Variants in ROR1 observed in about 807,000 individuals in gnomAD.
The protein encoded by ROR1 is inactive tyrosine-protein kinase transmembrane receptor ROR1.
ROR1 carries 19 observed loss-of-function variants against 78.8 expected under a neutral mutation model. The observed-to-expected ratio is 0.24, with a 90% CI of 0.17 to 0.35. The LOEUF is 0.35. ROR1 is among the 10% of genes least tolerant of loss of function. ROR1 has a pLI of 1.00. For synonymous variants in ROR1, 386 were observed against 433.6 expected (o/e 0.89, Z 1.36); for missense variants, 917 against 1,177.8 (o/e 0.78, Z 3.24).
intron 4 of ROR1, among the ~76,000 whole-genome samples, chr1:64,055,050 T>C (rs1431781796): frequency 6.6e-6 from 1 of 152,204 alleles, no homozygotes; most frequent in African/African-American, 2.4e-5. Flanking sequence ...CGACCTCATT[T>C]TAACTTGATT....
chr1:63,801,886 A>G lies in ROR1; in HGVS notation c.91+27378A>G, dbSNP rs954824463. ...CTGTCTTCTTTCACAACCACACCTA[A>G]CCTGTAATACATTTTCTGTGGTATC... On this transcript the variant is annotated intron_variant, in intron 1 of 8. Coordinates refer to ENST00000371079, the MANE Select transcript of ROR1 (RefSeq NM_005012.4). Among the ~76,000 whole-genome samples the G allele has an allele frequency of 4.6e-5, 7 of 152,180 alleles. No individual in the cohort carries two copies. In the East Asian group the frequency reaches 1.2e-3, roughly 25 times the overall value.
intron 1 of ROR1, among the ~76,000 whole-genome samples, chr1:63,850,364 G>A (rs191317146): frequency 6.6e-6 from 1 of 152,322 alleles, no homozygotes; most frequent in East Asian, 1.9e-4. Context: ...GTAAAAATGT[G>A]TGAAGTTTTT....
intron 1 of ROR1, among the ~76,000 whole-genome samples, chr1:63,999,341 T>C (rs1646365020): frequency 6.6e-6 from 1 of 152,180 alleles, no homozygotes; most frequent in South Asian, 2.1e-4. Context: ...AGCTCACTGT[T>C]TAGTTGTGGT....
intron 1 of ROR1, among the ~76,000 whole-genome samples, chr1:63,866,235 A>C (rs1645214720): frequency 6.6e-6 from 1 of 151,904 alleles, no homozygotes; most frequent in Non-Finnish European, 1.5e-5. Flanking sequence ...TCTGGCCTGG[A>C]TGTCTAAGTA....
intron 1 of ROR1, among the ~76,000 whole-genome samples, chr1:63,845,869 T>G (rs1645077235): frequency 6.6e-6 from 1 of 152,182 alleles, no homozygotes; most frequent in Non-Finnish European, 1.5e-5. Flanking sequence ...TTATTTGGTG[T>G]AGAGATTTAG....
At chr1:64,147,757 A>G (rs1437249133) in intron 7 of ROR1, among the ~76,000 whole-genome samples, 1 of 152,208 alleles carries the variant, frequency 6.6e-6, no homozygotes, top group African/African-American at 2.4e-5. Context: ...AGGCTTACCT[A>G]AGATCACAAA....
intron 1 of ROR1, among the ~76,000 whole-genome samples, chr1:63,802,537 G>A (rs1644803471): frequency 6.6e-6 from 1 of 152,222 alleles, no homozygotes; most frequent in Non-Finnish European, 1.5e-5. Context: ...TGAATTGTGT[G>A]ACTATGAATA....
At chr1:63,789,056 A>G (rs900364726) in intron 1 of ROR1, 19 of 624,594 alleles carry the variant, frequency 3.0e-5, no homozygotes, top group Non-Finnish European at 5.6e-5. Flanking sequence ...CATTGGTTGT[A>G]CCCTTTCGCT....
At chr1:64,023,504 C>G (rs1275373329) in intron 2 of ROR1, among the ~76,000 whole-genome samples, 2 of 152,036 alleles carry the variant, frequency 1.3e-5, no homozygotes, top group Non-Finnish European at 2.9e-5. Flanking sequence ...GTTTATTGCC[C>G]TTATCCTTAA....
At chr1:64,000,080 G>C (rs1298342882) in intron 1 of ROR1, among the ~76,000 whole-genome samples, 1 of 152,090 alleles carries the variant, frequency 6.6e-6, no homozygotes, top group Non-Finnish European at 1.5e-5. Flanking sequence ...GCCATACAAA[G>C]GGGAAAATGA....
At chr1:64,118,521 G>A (rs779366200) in intron 4 of ROR1, among the ~76,000 whole-genome samples, 10 of 151,384 alleles carry the variant, frequency 6.6e-5, no homozygotes, top group Non-Finnish European at 1.2e-4. Context: ...CAGCTACTCC[G>A]GAGGCTGAGT....
intron 1 of ROR1, among the ~76,000 whole-genome samples, chr1:63,972,331 A>G (rs1272894919): frequency 6.6e-6 from 1 of 152,096 alleles, no homozygotes; most frequent in African/African-American, 2.4e-5. Context: ...ATTTGCCTAA[A>G]ACACAAAGTT....
At chr1:63,961,600 C>T (rs1012913579) in intron 1 of ROR1, among the ~76,000 whole-genome samples, 3 of 152,170 alleles carry the variant, frequency 2.0e-5, no homozygotes, top group East Asian at 3.9e-4. Context: ...AGACAAATAC[C>T]GCATGTTCTC....
intron 1 of ROR1, among the ~76,000 whole-genome samples, chr1:63,829,379 C>T (rs548522370): frequency 3.5e-4 from 54 of 152,242 alleles, no homozygotes; most frequent in Middle Eastern, 3.4e-3. Flanking sequence ...AGTGGGAATG[C>T]GGGTGATAGG....
intron 1 of ROR1, among the ~76,000 whole-genome samples, chr1:63,811,430 G>A (rs1644859398): frequency 6.6e-6 from 1 of 152,164 alleles, no homozygotes; most frequent in South Asian, 2.1e-4. Flanking sequence ...AAAATTTTGT[G>A]TTTTGTCAGG....
chr1:64,103,231 C>T (rs1647640236), intron 4 of ROR1, among the ~76,000 whole-genome samples: 1 of 151,748 alleles, frequency 6.6e-6, no homozygotes, highest in Non-Finnish European at 1.5e-5. Flanking sequence ...TAGTATTTTC[C>T]AATTCTGTGA....
chr1:64,000,065 C>T (rs867230774), intron 1 of ROR1, among the ~76,000 whole-genome samples: 5 of 151,830 alleles, frequency 3.3e-5, no homozygotes, highest in African/African-American at 4.8e-5. Context: ...TGAAAATGTA[C>T]GTGGGCCATA....
chr1:64,046,185 G>C (rs995364701), intron 2 of ROR1, among the ~76,000 whole-genome samples: 8 of 152,154 alleles, frequency 5.3e-5, no homozygotes, highest in African/African-American at 1.9e-4. Context: ...AGCCCAGGGA[G>C]GTGAAGTGAT....
intron 4 of ROR1, among the ~76,000 whole-genome samples, chr1:64,116,548 T>G (rs1198758512): frequency 2.0e-5 from 3 of 152,202 alleles, no homozygotes; most frequent in African/African-American, 7.2e-5. Flanking sequence ...TTTACTGATA[T>G]TGTGATGGTT....
Sources: allele counts gnomAD v4.1 joint callset (sites outside exome capture counted in the v4.1 genomes callset), GRCh38; gene constraint gnomAD v4.1.1; transcripts MANE v1.5; gene names NCBI Gene and HGNC (gene_info 2026-07-23, HGNC 2026-07-21).